Variants in ROMO1 observed in about 807,000 individuals in gnomAD.
The protein encoded by ROMO1 is reactive oxygen species modulator 1.
In ROMO1, 8 loss-of-function variants were observed where a neutral mutation model predicts 7.4. The observed-to-expected ratio is 1.08, with a 90% CI of 0.63 to 1.95. The LOEUF (loss-of-function observed/expected upper bound fraction) is 1.95. Among genes scored for constraint, ROMO1 ranks in the 30% most tolerant of loss-of-function variants. The pLI, the probability that ROMO1 is intolerant of heterozygous loss-of-function variation, is 0.00. For missense variants in ROMO1, 91 were observed against 115.9 expected, an observed-to-expected ratio of 0.79 and a Z score of 0.99; for synonymous variants, 43 against 41.4, an observed-to-expected ratio of 1.04 and a Z score of -0.15.
chr20:35,700,683 GAA>G (rs752434614), intron 2 of ROMO1, 113 bp from the exon 3 acceptor site: 61 of 773,682 alleles, frequency 7.9e-5, no homozygotes, highest in Non-Finnish European at 1.2e-4. Context: ...CCAGTAAGTG[GAA>G]AATCAGATGT....
intron 2 of ROMO1, among the ~76,000 whole-genome samples, 180 bp from the exon 3 acceptor site, chr20:35,700,594 TCCACCAGAAAAATACCCTGGAGAC>T (rs2035245602): frequency 6.6e-6 from 1 of 152,168 alleles, no homozygotes; most frequent in Non-Finnish European, 1.5e-5. Flanking sequence ...TAATACGACA[TCCACCAGAAAAATACCCTGGAGAC>T]CCAGATGGAT....
rs1286206166 is a variant in ROMO1 at position 35,699,469 on chromosome 20, C to T, written c.-1+13C>T. 6 of 1,212,890 alleles carry T rather than the reference C, an allele frequency of 4.9e-6. No homozygotes were observed. Among genetic ancestry groups the T allele is most frequent in the Admixed American group, 2.4e-5 (1 of 41,838 alleles). The allele number at this position is 1,212,890 out of a possible 1,614,324, so 75.1% of individuals were successfully genotyped here. ...CGAGCGAGGTGAGGTAGGCGCCGGG[C>T]GACGCGGGGCCGGAACGCGAAGAGG... On this transcript the variant is annotated intron_variant, in intron 1 of 2. Coordinates refer to ENST00000374077, the MANE Select transcript of ROMO1 (RefSeq NM_080748.3). This position sits in a 1 kb window ranked among gnomAD's most constrained non-coding sequence, Gnocchi z 4.4.
intron 2 of ROMO1, among the ~76,000 whole-genome samples, chr20:35,700,185 G>T (rs1473287882): frequency 6.6e-6 from 1 of 151,972 alleles, no homozygotes; most frequent in Non-Finnish European, 1.5e-5. Context: ...AAAGAAACTC[G>T]TTCAGCGGTT....
At position 35,699,792 on chromosome 20, in the gene ROMO1, C is replaced by T. The variant is rs766039649; in HGVS notation, c.131+29C>T. The T allele has an allele frequency of 1.9e-6, 3 of 1,592,752 alleles. No homozygotes were observed. Among genetic ancestry groups the T allele is most frequent in the South Asian group, 1.1e-5 (1 of 89,592 alleles). On this transcript the variant is annotated intron_variant, in intron 2 of 2. Coordinates refer to ENST00000374077, the MANE Select transcript of ROMO1 (RefSeq NM_080748.3). This position sits in a 1 kb window ranked among gnomAD's most constrained non-coding sequence, Gnocchi z 4.4. Reference sequence around the variant, plus strand: ...AGGGGCGCGGGCGGTGATCTCTGGGCAGGACAACCAGACCTTCCGGCCCTG... The same window carrying T: ...AGGGGCGCGGGCGGTGATCTCTGGGTAGGACAACCAGACCTTCCGGCCCTG...
intron 2 of ROMO1, 60 bp from the exon 3 acceptor site, chr20:35,700,738 A>G: frequency 7.1e-7 from 1 of 1,404,440 alleles, no homozygotes; most frequent in Non-Finnish European, 1.0e-6. Flanking sequence ...GGAAAGGAGC[A>G]GTTAATACTC....
Position 35,700,824 on chromosome 20 carries a change from TG to T in ROMO1, c.161del (p.Gly54AlafsTer7), listed in dbSNP as rs1386781610. The T allele has an allele frequency of 3.7e-6, 6 of 1,614,112 alleles. No homozygotes were observed. The highest frequency in any genetic ancestry group is 5.1e-6 in the Non-Finnish European group (6 of 1,180,038). On this transcript the variant is annotated frameshift_variant, in exon 3 of 3. Transcript: ENST00000374077. LOFTEE classifies it high-confidence loss of function. The part of the protein sequence containing the change: ...LRIGMRGREL[M>X]GGIGKTMMQS... Reference sequence around the variant, plus strand: ...ATCGGAATGCGGGGTCGAGAGCTGATGGGCGGCATTGGGAAAACCATGATGC... The same window carrying T: ...ATCGGAATGCGGGGTCGAGAGCTGATGGCGGCATTGGGAAAACCATGATGC...
At position 35,699,553 on chromosome 20, in the gene ROMO1, C is replaced by G; in HGVS notation, c.1-80C>G. 1 of 1,581,868 alleles carries G rather than the reference C, an allele frequency of 6.3e-7. No homozygotes were observed. Among genetic ancestry groups the G allele is most frequent in the African/African-American group, 1.3e-5 (1 of 74,636 alleles). On this transcript the variant is annotated intron_variant, in intron 1 of 2. Coordinates refer to ENST00000374077, the MANE Select transcript of ROMO1 (RefSeq NM_080748.3). The surrounding 1 kb of genome is among the most constrained non-coding windows in gnomAD (Gnocchi z 4.4). ...CCCTTACTTCCCCTGAGCCCTTGGG[C>G]CCACTTCCCAGCCTACCGCTTCCGT...
rs1162974848 is a variant in ROMO1 at position 35,699,795 on chromosome 20, G to A, written c.131+32G>A. On this transcript the variant is annotated intron_variant, in intron 2 of 2. Coordinates refer to ENST00000374077, the MANE Select transcript of ROMO1 (RefSeq NM_080748.3). This position sits in a 1 kb window ranked among gnomAD's most constrained non-coding sequence, Gnocchi z 4.4. ...GGCGCGGGCGGTGATCTCTGGGCAG[G>A]ACAACCAGACCTTCCGGCCCTGCCC... 1 of 1,590,328 alleles carries A rather than the reference G, an allele frequency of 6.3e-7. No homozygotes were observed. The highest frequency in any genetic ancestry group is 8.5e-7 in the Non-Finnish European group (1 of 1,172,226).
At chr20:35,700,729 G>T in intron 2 of ROMO1, 69 bp from the exon 3 acceptor site, 1 of 1,344,572 alleles carries the variant, frequency 7.4e-7, no homozygotes, top group Non-Finnish European at 1.1e-6. Context: ...CAAAAAATTG[G>T]AAAGGAGCAG....
In ROMO1 at chr20:35,699,549, T is replaced by A; in HGVS notation, c.1-84T>A. ...CCTTCCCTTACTTCCCCTGAGCCCT[T>A]GGGCCCACTTCCCAGCCTACCGCTT... is the stretch of plus-strand genomic sequence containing the variant. On this transcript the variant is annotated intron_variant, in intron 1 of 2. Coordinates refer to ENST00000374077, the MANE Select transcript of ROMO1 (RefSeq NM_080748.3). This position sits in a 1 kb window ranked among gnomAD's most constrained non-coding sequence, Gnocchi z 4.4. 1 of 1,576,412 alleles carries A rather than the reference T, an allele frequency of 6.3e-7. No homozygotes were observed. Among genetic ancestry groups the A allele is most frequent in the South Asian group, 1.1e-5 (1 of 89,318 alleles).
Position 35,700,814 on chromosome 20 carries a change from C to G in ROMO1, c.148C>G (p.Arg50Gly). 2 of 1,614,088 alleles carry G rather than the reference C, an allele frequency of 1.2e-6. No individual in the cohort carries two copies. Among genetic ancestry groups the G allele is most frequent in the East Asian group, 2.2e-5 (1 of 44,886 alleles). Residue 50 changes from arginine (R) to glycine (G), a missense_variant, in exon 3 of 3, where the codon CGA (arginine) becomes GGA (glycine). Coordinates refer to ENST00000374077, the MANE Select transcript of ROMO1 (RefSeq NM_080748.3). ...FSCLRIGMRG[R>G]ELMGGIGKTM... ...CCTCCTCAGGATCGGAATGCGGGGT[C>G]GAGAGCTGATGGGCGGCATTGGGAA... is the stretch of plus-strand genomic sequence containing the variant.
Position 35,699,887 on chromosome 20 carries a change from G to C in ROMO1, c.131+124G>C. ...TCCCTCTCTGTCCCCTCGCGAGCCA[G>C]ACTCATTCCAAACCACCTTCAATCT... is the stretch of plus-strand genomic sequence containing the variant. On this transcript the variant is annotated intron_variant, in intron 2 of 2. Coordinates refer to ENST00000374077, the MANE Select transcript of ROMO1 (RefSeq NM_080748.3). The surrounding 1 kb of genome is among the most constrained non-coding windows in gnomAD (Gnocchi z 4.4). The C allele has an allele frequency of 7.7e-7, 1 of 1,302,048 alleles. No homozygotes were observed. Among genetic ancestry groups the C allele is most frequent in the Non-Finnish European group, 1.0e-6 (1 of 962,768 alleles). 80.7% of individuals were successfully genotyped at this position (1,302,048 alleles called of 1,614,324 possible).
intron 2 of ROMO1, 87 bp from the exon 3 acceptor site, chr20:35,700,711 A>T: frequency 9.9e-7 from 1 of 1,015,086 alleles, no homozygotes; most frequent in Non-Finnish European, 1.6e-6. Flanking sequence ...TTGCTAGACT[A>T]GTGTTAGCAA....
At position 35,700,961 on chromosome 20, in the gene ROMO1, TAAAA is replaced by T; in HGVS notation, c.*56_*59del. The T allele has an allele frequency of 1.6e-6, 2 of 1,264,732 alleles. No homozygotes were observed. Among genetic ancestry groups the T allele is most frequent in the Non-Finnish European group, 2.3e-6 (2 of 861,590 alleles). 78.3% of individuals were successfully genotyped at this position (1,264,732 alleles called of 1,614,324 possible). A position where few individuals can be genotyped will look rare whatever the true frequency, so the allele number is the denominator to read the frequency against. ...CCATCAATCCCAGCCCATGTACTAA[TAAAA>T]GAAAGTCTTTGAGTAGTCAGTGTCC... On this transcript the variant is annotated 3_prime_UTR_variant, in exon 3 of 3. Coordinates refer to ENST00000374077, the MANE Select transcript of ROMO1 (RefSeq NM_080748.3).
Position 35,699,864 on chromosome 20 carries a change from C to G in ROMO1, c.131+101C>G. On this transcript the variant is annotated intron_variant, in intron 2 of 2. Transcript: ENST00000374077. This position sits in a 1 kb window ranked among gnomAD's most constrained non-coding sequence, Gnocchi z 4.4. The stretch of plus-strand genomic sequence containing the variant: ...AACACAGCCTCCTTCTTTCGACTTC[C>G]CTCTCTGTCCCCTCGCGAGCCAGAC... 1.4e-6 allele frequency: 2 copies of G among 1,426,218 alleles called. No individual in the cohort carries two copies. Among genetic ancestry groups the G allele is most frequent in the South Asian group, 1.4e-5 (1 of 73,946 alleles). The allele number at this position is 1,426,218 out of a possible 1,614,324, so 88.3% of individuals were successfully genotyped here.
Position 35,699,900 on chromosome 20 carries a change from C to A in ROMO1, c.131+137C>A. The A allele has an allele frequency of 1.7e-6, 2 of 1,166,380 alleles. No individual in the cohort carries two copies. The highest frequency in any genetic ancestry group is 2.4e-6 in the Non-Finnish European group (2 of 844,774). The allele number at this position is 1,166,380 out of a possible 1,614,324, so 72.3% of individuals were successfully genotyped here. A position where few individuals can be genotyped will look rare whatever the true frequency, so the allele number is the denominator to read the frequency against. On this transcript the variant is annotated intron_variant, in intron 2 of 2. Coordinates refer to ENST00000374077, the MANE Select transcript of ROMO1 (RefSeq NM_080748.3). The surrounding 1 kb of genome is among the most constrained non-coding windows in gnomAD (Gnocchi z 4.4). Reference sequence around the variant, plus strand: ...CCTCGCGAGCCAGACTCATTCCAAACCACCTTCAATCTGTAAAGTCAGGTT... The same window carrying A: ...CCTCGCGAGCCAGACTCATTCCAAAACACCTTCAATCTGTAAAGTCAGGTT...
Position 35,700,720 on chromosome 20 carries a change from A to C in ROMO1, c.132-78A>C, listed in dbSNP as rs368457795. 1.4e-5 allele frequency: 18 copies of C among 1,243,722 alleles called. 1 individual carries two copies. The highest frequency in any genetic ancestry group is 7.0e-5 in the East Asian group (3 of 42,816). The allele number at this position is 1,243,722 out of a possible 1,614,324, so 77.0% of individuals were successfully genotyped here. ...TAGGGGTTGCTAGACTAGTGTTAGC[A>C]AAAAATTGGAAAGGAGCAGTTAATA... On this transcript the variant is annotated intron_variant, in intron 2 of 2. Coordinates refer to ENST00000374077, the MANE Select transcript of ROMO1 (RefSeq NM_080748.3).
Position 35,699,725 on chromosome 20 carries a change from G to A in ROMO1, c.93G>A (p.Met31Ile), listed in dbSNP as rs2035218034. Reference sequence around the variant, plus strand: ...TCGTGATGGGTTGCGCCGTGGGCATGGCGGCCGGGGCGCTCTTCGGCACCT... The same window carrying A: ...TCGTGATGGGTTGCGCCGTGGGCATAGCGGCCGGGGCGCTCTTCGGCACCT... The part of the protein sequence containing the change: ...MGFVMGCAVG[M>I]AAGALFGTFS... Residue 31 changes from methionine (M) to isoleucine (I), a missense_variant, in exon 2 of 3, where the codon ATG (methionine) becomes ATA (isoleucine). Physicochemically the swap from Met to Ile is conservative, Grantham distance 10 (BLOSUM62 1). Coordinates refer to ENST00000374077, the MANE Select transcript of ROMO1 (RefSeq NM_080748.3). This position sits in a 1 kb window ranked among gnomAD's most constrained non-coding sequence, Gnocchi z 4.4. 1.9e-6 allele frequency: 3 copies of A among 1,612,690 alleles called. No homozygotes were observed. Among genetic ancestry groups the A allele is most frequent in the Non-Finnish European group, 2.5e-6 (3 of 1,179,942 alleles).
Position 35,699,443 on chromosome 20 carries a change from G to T in ROMO1, c.-14G>T. ...GACGTAGAGCTGAGCGACCCAGCCC[G>T]CGAGCGAGGTGAGGTAGGCGCCGGG... On this transcript the variant is annotated 5_prime_UTR_variant, in exon 1 of 3. Transcript: ENST00000374077. This position sits in a 1 kb window ranked among gnomAD's most constrained non-coding sequence, Gnocchi z 4.4. 8.5e-7 allele frequency: 1 copy of T among 1,170,418 alleles called. No individual in the cohort carries two copies. The highest frequency in any genetic ancestry group is 1.6e-5 in the African/African-American group (1 of 63,638). The allele number at this position is 1,170,418 out of a possible 1,614,324, so 72.5% of individuals were successfully genotyped here.
Sources: gnomAD v4.1 joint callset for allele counts (sites outside exome capture counted in the v4.1 genomes callset) on GRCh38, gnomAD v4.1.1 for gene constraint, Gnocchi (gnomAD v3.1) non-coding constraint, MANE v1.5 for transcripts, NCBI Gene and HGNC (gene_info 2026-07-23, HGNC 2026-07-21) for gene names.